The following CTBP1 variants were observed in gnomAD, a reference collection of about 807,000 sequenced individuals.
The protein encoded by CTBP1 is C-terminal-binding protein 1.
Under a neutral mutation model 42.1 loss-of-function variants are expected in CTBP1, and 11 were observed. The observed-to-expected ratio is 0.26, with a 90% CI of 0.16 to 0.43. The LOEUF is 0.43. Ranked by LOEUF, CTBP1 falls within the 20% of genes least tolerant of loss-of-function variation. The pLI, the probability that CTBP1 is intolerant of heterozygous loss-of-function variation, is 1.00. For synonymous variants in CTBP1, 324 were observed against 277.1 expected (o/e 1.17, Z -1.68); for missense variants, 399 against 624.3 (o/e 0.64, Z 3.85).
chr4:1,222,310 G>A (rs1341151907), intron 5 of CTBP1, among the ~76,000 whole-genome samples: 2 of 152,156 alleles, frequency 1.3e-5, no homozygotes, highest in African/African-American at 4.8e-5. Flanking sequence ...TGCAGCGTCA[G>A]GGGGCTCGTG....
At chr4:1,212,691 ACTC>A (rs1728672938) in intron 9 of CTBP1, 1 of 612,140 alleles carries the variant, frequency 1.6e-6, no homozygotes, top group South Asian at 2.0e-5. Flanking sequence ...TGCCCATGGC[ACTC>A]CTGTGTCCAC....
intron 6 of CTBP1, chr4:1,215,403 GCA>G (rs1289862746): frequency 1.0e-5 from 2 of 192,046 alleles, no homozygotes; most frequent in East Asian, 1.4e-4. Context: ...ACATCACTGT[GCA>G]CACACGATGA....
intron 3 of CTBP1, chr4:1,237,900 G>A (rs866710746): frequency 2.9e-6 from 2 of 700,380 alleles, no homozygotes; most frequent in Middle Eastern, 2.3e-4. Context: ...TCCACCTCCT[G>A]ATGGGGCTCA....
chr4:1,240,843 T>C (rs1369582640), intron 2 of CTBP1, among the ~76,000 whole-genome samples: 2 of 152,178 alleles, frequency 1.3e-5, no homozygotes, highest in Admixed American at 6.5e-5. Context: ...ACACGGCCTG[T>C]GCTGAAGCAG....
chr4:1,223,467 C>T, intron 5 of CTBP1: 2 of 456,174 alleles, frequency 4.4e-6, no homozygotes, highest in South Asian at 3.1e-5. Context: ...GTCCGATTCC[C>T]CAAACGCTGG....
At chr4:1,244,495 C>CA in intron 1 of CTBP1, 1 of 985,226 alleles carries the variant, frequency 1.0e-6, no homozygotes, top group Non-Finnish European at 1.2e-6. Flanking sequence ...ACCAACCCTC[C>CA]ACGTCCCTCC....
intron 7 of CTBP1, 151 bp from the exon 8 acceptor site, chr4:1,213,756 C>G (rs1728798013): frequency 9.8e-7 from 1 of 1,024,778 alleles, no homozygotes; most frequent in African/African-American, 1.6e-5. Context: ...TGGCTGAGCT[C>G]AAGAGCACAG....
intron 7 of CTBP1, 124 bp from the exon 8 acceptor site, chr4:1,213,729 T>C (rs11247979): frequency 0.86 from 1,127,174 of 1,309,338 alleles, 488,548 homozygotes; most frequent in South Asian, 0.91. Context: ...CCCACGGCCC[T>C]GCTCTGCTCG....
At chr4:1,248,860 A>T in intron 1 of CTBP1, 56 bp downstream of exon 1, 5 of 562,294 alleles carry the variant, frequency 8.9e-6, no homozygotes, top group African/African-American at 2.3e-5. Context: ...CCCGCGCGGC[A>T]CCCGCCCCGC....
Position 1,228,183 on chromosome 4 carries a change from C to A in CTBP1, c.307+16G>T, listed in dbSNP as rs771454165. On this transcript the variant is annotated intron_variant, in intron 4 of 9. Coordinates refer to ENST00000382952, the MANE Select transcript of CTBP1 (RefSeq NM_001012614.2). Reference sequence around the variant, plus strand: ...TTGCATGAATGGGCACAGGAGAGAACTCGGAGCCGGCCTACCTAAATCCCC... The same window carrying A: ...TTGCATGAATGGGCACAGGAGAGAAATCGGAGCCGGCCTACCTAAATCCCC... 3.1e-6 allele frequency: 5 copies of A among 1,613,496 alleles called. No homozygotes were observed. The East Asian group carries it at 1.1e-4, about 36-fold the overall frequency.
intron 1 of CTBP1, 100 bp from the exon 2 acceptor site, chr4:1,241,619 T>G: frequency 7.0e-7 from 1 of 1,429,900 alleles, no homozygotes; most frequent in South Asian, 1.2e-5. Flanking sequence ...TCACTGCATC[T>G]GCCACACCCG....
At chr4:1,228,445 T>A in intron 3 of CTBP1, 102 bp from the exon 4 acceptor site, 1 of 1,395,828 alleles carries the variant, frequency 7.2e-7, no homozygotes, top group Non-Finnish European at 9.8e-7. Context: ...CCTGTGGCCC[T>A]CAGGCTTGTT....
At chr4:1,241,235 C>T (rs913173209) in intron 2 of CTBP1, 90 bp downstream of exon 2, 23 of 779,258 alleles carry the variant, frequency 3.0e-5, no homozygotes, top group African/African-American at 1.0e-4. Context: ...CCAGGTCCCT[C>T]GACTTGATCC....
chr4:1,242,927 C>T, intron 1 of CTBP1: 8 of 985,338 alleles, frequency 8.1e-6, no homozygotes, highest in Non-Finnish European at 9.6e-6. Flanking sequence ...CGATACTCAT[C>T]AACGCCAGCC....
At position 1,247,408 on chromosome 4, in the gene CTBP1, C is replaced by G. The variant is rs554522142; in HGVS notation, c.-189+1508G>C. ...AAAGGCGTCTGCGGAGCCGACAGCC[C>G]CAACCAGGAGCCAAACCCAGACCCC... is the stretch of plus-strand genomic sequence containing the variant. On this transcript the variant is annotated intron_variant, in intron 1 of 9. Coordinates refer to ENST00000382952, the MANE Select transcript of CTBP1 (RefSeq NM_001012614.2). 4.6e-5 allele frequency among the ~76,000 whole-genome samples: 7 copies of G among 152,130 alleles called. No homozygotes were observed. The South Asian group carries it at 1.5e-3, about 32-fold the overall frequency.
chr4:1,216,740 C>A, intron 5 of CTBP1: 1 of 169,566 alleles, frequency 5.9e-6, no homozygotes, highest in South Asian at 1.4e-4. Context: ...AGAAAGCCAT[C>A]CCAGGCAGAC....
chr4:1,218,628 T>C (rs1338715928), intron 5 of CTBP1: 1 of 152,170 alleles, frequency 6.6e-6, no homozygotes, highest in Non-Finnish European at 1.5e-5. Flanking sequence ...AATAGCTTCT[T>C]GTACGGTTTT....
chr4:1,237,953 C>T (rs767238527), intron 3 of CTBP1: 2 of 710,030 alleles, frequency 2.8e-6, no homozygotes, highest in South Asian at 3.0e-5. Context: ...ACAGGGAAAA[C>T]CCCGTGTCCA....
At chr4:1,212,515 C>T in intron 9 of CTBP1, 92 bp from the exon 10 acceptor site, 1 of 1,147,600 alleles carries the variant, frequency 8.7e-7, no homozygotes, top group Non-Finnish European at 1.2e-6. Flanking sequence ...CCGAGGGGGC[C>T]TCTCCAGGAG....
Sources: gnomAD v4.1 joint callset for allele counts (sites outside exome capture counted in the v4.1 genomes callset) on GRCh38, gnomAD v4.1.1 for gene constraint, MANE v1.5 for transcripts, NCBI Gene and HGNC (gene_info 2026-07-23, HGNC 2026-07-21) for gene names.